The following POU2F2 variants were observed in gnomAD, a reference collection of about 807,000 sequenced individuals.
The protein encoded by POU2F2 is POU class 2 homeobox 2, also known as POU domain, class 2, transcription factor 2.
In POU2F2, 14 loss-of-function variants were observed where a neutral mutation model predicts 63.5. The observed-to-expected ratio is 0.22, with a 90% CI of 0.15 to 0.34. POU2F2 has a LOEUF of 0.34. Among genes scored for constraint, POU2F2 ranks in the 10% least tolerant of loss-of-function variants. The pLI, the probability that POU2F2 is intolerant of heterozygous loss-of-function variation, is 1.00. For synonymous variants in POU2F2, 306 were observed against 348.6 expected, an observed-to-expected ratio of 0.88 and a Z score of 1.36; for missense variants, 607 against 815.2, an observed-to-expected ratio of 0.74 and a Z score of 3.11.
In POU2F2 at chr19:42,169,838, C is replaced by T. The variant is rs1367223096; in HGVS notation, c.-70+6125G>A. On this transcript the variant is annotated intron_variant, in intron 1 of 6. Transcript: ENST00000524801. This position sits in a 1 kb window ranked among gnomAD's most constrained non-coding sequence, Gnocchi z 4.3. Reference sequence around the variant, plus strand: ...TTCTTCCCCTCGCTGCTGCGCCTTCCCAGTCTGGATGAGTACCTTTTCTCT... The same window carrying T: ...TTCTTCCCCTCGCTGCTGCGCCTTCTCAGTCTGGATGAGTACCTTTTCTCT... Among the ~76,000 whole-genome samples, 1 of 151,996 alleles carries T rather than the reference C, an allele frequency of 6.6e-6. No homozygotes were observed. The highest frequency in any genetic ancestry group is 1.5e-5 in the Non-Finnish European group (1 of 67,998).
chr19:42,171,741 C>T (rs1269731674), intron 1 of POU2F2, among the ~76,000 whole-genome samples: 2 of 152,106 alleles, frequency 1.3e-5, no homozygotes, highest in Non-Finnish European at 2.9e-5. Flanking sequence ...CCAGTCTGCT[C>T]TTATACTTGC....
intron 1 of POU2F2, among the ~76,000 whole-genome samples, chr19:42,191,245 A>G (rs2035072307): frequency 1.3e-5 from 2 of 152,134 alleles, no homozygotes; most frequent in African/African-American, 2.4e-5. Context: ...CCTCCCTAAA[A>G]GAAGCACCAG....
chr19:42,112,850 C>T (rs1405126758), intron 5 of POU2F2, among the ~76,000 whole-genome samples: 1 of 152,194 alleles, frequency 6.6e-6, no homozygotes, highest in Non-Finnish European at 1.5e-5. Context: ...GCCACCTGGA[C>T]TTGGGCTTTG....
intron 7 of POU2F2, among the ~76,000 whole-genome samples, chr19:42,098,039 C>T (rs1466546082): frequency 6.6e-6 from 1 of 152,150 alleles, no homozygotes; most frequent in African/African-American, 2.4e-5. Flanking sequence ...CTCCTGGGCT[C>T]AAGTGATCCT....
rs189578082 is a variant in POU2F2, at chr19:42,139,554, C to T, written c.-8-16978G>A. 4.6e-5 allele frequency among the ~76,000 whole-genome samples: 7 copies of T among 152,242 alleles called. No individual in the cohort carries two copies. In the East Asian group the frequency reaches 1.4e-3, roughly 30 times the overall value. On this transcript the variant is annotated intron_variant, in intron 2 of 6. Coordinates refer to the POU2F2 transcript ENST00000524801. ...TCCTGGGTTCAAGTGATTCTCTTGCCTCAGTCTCCTGAGTAGCTGGGGCTA... is the reference window on the plus strand; with the variant it reads ...TCCTGGGTTCAAGTGATTCTCTTGCTTCAGTCTCCTGAGTAGCTGGGGCTA...
At chr19:42,097,192 G>GTTTTTTTTT (rs778449653) in intron 7 of POU2F2, among the ~76,000 whole-genome samples, 1 of 117,752 alleles carries the variant, frequency 8.5e-6, no homozygotes. Flanking sequence ...GAATTTTTCA[G>GTTTTTTTTT]TTTTTTTTTT....
rs918098532 is a variant in POU2F2 at position 42,162,879 on chromosome 19, G to T, written c.-69-2487C>A. ...CCACCGATAGACAGATGGAAACACT[G>T]GCACCCACAGACACATCAGTACTGG... On this transcript the variant is annotated intron_variant, in intron 1 of 6. Transcript: ENST00000524801. This position sits in a 1 kb window ranked among gnomAD's most constrained non-coding sequence, Gnocchi z 4.1. Among the ~76,000 whole-genome samples the T allele has an allele frequency of 6.6e-6, 1 of 152,168 alleles. No homozygotes were observed. Among genetic ancestry groups the T allele is most frequent in the Non-Finnish European group, 1.5e-5 (1 of 68,020 alleles).
At position 42,087,936 on chromosome 19, in the gene POU2F2, C is replaced by G. The variant is rs568122664; in HGVS notation, c.*3321G>C. 2 of 152,254 alleles carry G rather than the reference C, an allele frequency of 1.3e-5. No individual in the cohort carries two copies. Among genetic ancestry groups the G allele is most frequent in the South Asian group, 4.2e-4 (2 of 4,814 alleles). The allele number at this position is 152,254 out of a possible 1,614,324, so 9.4% of individuals were successfully genotyped here. A position where few individuals can be genotyped will look rare whatever the true frequency, so the allele number is the denominator to read the frequency against. ...ATGAGATAGTTTTGTTTCCCGGAGT[C>G]GAGACGGGGGACCAGAGTGTAAGGG... On this transcript the variant is annotated 3_prime_UTR_variant, in exon 15 of 15. Transcript: ENST00000692977.
intron 1 of POU2F2, among the ~76,000 whole-genome samples, chr19:42,190,704 A>G (rs751337289): frequency 2.0e-5 from 3 of 152,108 alleles, no homozygotes; most frequent in Non-Finnish European, 4.4e-5. Flanking sequence ...AAATACAAAA[A>G]TTATAAAGAT....
rs1202071784 is a variant in POU2F2, at chr19:42,089,223, GGA to G, written c.*2032_*2033del. The G allele has an allele frequency of 6.6e-6, 1 of 152,438 alleles. No individual in the cohort carries two copies. The highest frequency in any genetic ancestry group is 2.4e-5 in the African/African-American group (1 of 41,320). 9.4% of individuals were successfully genotyped at this position (152,438 alleles called of 1,614,324 possible). On this transcript the variant is annotated 3_prime_UTR_variant, in exon 15 of 15. Coordinates refer to ENST00000692977, the MANE Select transcript of POU2F2 (RefSeq NM_001394376.1). ...TGAGAGAGAAGAGAGGAGAGCAAAG[GGA>G]GAGAGAGGAGACAGGAAGGAGGAGA...
At position 42,113,204 on chromosome 19, in the gene POU2F2, T is replaced by C. The variant is rs76534507; in HGVS notation, c.369+4046A>G. On this transcript the variant is annotated intron_variant, in intron 5 of 14. Coordinates refer to ENST00000692977, the MANE Select transcript of POU2F2 (RefSeq NM_001394376.1). ...AAATTTTCCCCCCTACTCTCCAATA[T>C]AAAATGATGTTTTAACTGTTAACGT... 7.8e-3 allele frequency among the ~76,000 whole-genome samples: 1,189 copies of C among 152,256 alleles called. 16 individuals carry two copies. The highest frequency in any genetic ancestry group is 0.027 in the African/African-American group (1,137 of 41,548).
intron 1 of POU2F2, among the ~76,000 whole-genome samples, chr19:42,183,032 G>A (rs1021781084): frequency 6.6e-6 from 1 of 152,204 alleles, no homozygotes; most frequent in African/African-American, 2.4e-5. Flanking sequence ...GCTGGAGTGG[G>A]ATGAAAAGGC....
At position 42,117,445 on chromosome 19, in the gene POU2F2, G is replaced by C. The variant is rs778568952; in HGVS notation, c.187-13C>G. ...AGAGAATGCCCACCTGTGAACCAAA[G>C]AGAGGGCACGTGTGTGGCAATGGCA... On this transcript the variant is annotated splice_polypyrimidine_tract_variant and intron_variant, in intron 4 of 14. Transcript: ENST00000692977. The surrounding 1 kb of genome is among the most constrained non-coding windows in gnomAD (Gnocchi z 4.4). The C allele has an allele frequency of 1.1e-5, 11 of 1,016,864 alleles. No individual in the cohort carries two copies. The highest frequency in any genetic ancestry group is 3.3e-5 in the African/African-American group (2 of 59,734). 63.0% of individuals were successfully genotyped at this position (1,016,864 alleles called of 1,614,324 possible).
At chr19:42,173,962 T>C (rs2034821145) in intron 1 of POU2F2, among the ~76,000 whole-genome samples, 1 of 152,164 alleles carries the variant, frequency 6.6e-6, no homozygotes, top group South Asian at 2.1e-4. Flanking sequence ...GGCCTGCCTG[T>C]CACCCCCTGA....
At chr19:42,183,455 A>G (rs538964545) in intron 1 of POU2F2, among the ~76,000 whole-genome samples, 3 of 152,334 alleles carry the variant, frequency 2.0e-5, no homozygotes, top group African/African-American at 7.2e-5. Context: ...CTGACAGCAA[A>G]GGCGCCGGAG....
chr19:42,101,101 G>A (rs1273723402), intron 5 of POU2F2, among the ~76,000 whole-genome samples: 1 of 152,104 alleles, frequency 6.6e-6, no homozygotes, highest in African/African-American at 2.4e-5. Flanking sequence ...GCAAGACTCT[G>A]TCTCAAAAAA....
At chr19:42,144,031 A>G (rs944332891) in intron 2 of POU2F2, among the ~76,000 whole-genome samples, 2 of 152,168 alleles carry the variant, frequency 1.3e-5, no homozygotes, top group African/African-American at 4.8e-5. Flanking sequence ...TGTGTGTCCC[A>G]TTATGTCTCA....
At chr19:42,148,311 C>T (rs188488153) in intron 2 of POU2F2, among the ~76,000 whole-genome samples, 4 of 152,274 alleles carry the variant, frequency 2.6e-5, no homozygotes, top group Admixed American at 2.0e-4. Context: ...TTTTGTTTGA[C>T]GGTAATGCCA....
rs141082446 is a variant in POU2F2, at chr19:42,183,357, T to G, written c.-70+13026A>C. ...ATGCAGAAGACCACACACTGTAGGA[T>G]TCCATTTACATGAAATTCTAGACAG... is the stretch of plus-strand genomic sequence containing the variant. On this transcript the variant is annotated intron_variant, in intron 1 of 5. Coordinates refer to the POU2F2 transcript ENST00000532176. Among the ~76,000 whole-genome samples, 4 of 152,180 alleles carry G rather than the reference T, an allele frequency of 2.6e-5. No individual in the cohort carries two copies. In the East Asian group the frequency reaches 7.7e-4, roughly 29 times the overall value.
Sources: allele counts gnomAD v4.1 joint callset (sites outside exome capture counted in the v4.1 genomes callset), GRCh38; gene constraint gnomAD v4.1.1; non-coding constraint Gnocchi (gnomAD v3.1); transcripts MANE v1.5; gene names NCBI Gene and HGNC (gene_info 2026-07-23, HGNC 2026-07-21).